EXOC4: variants seen among roughly 807,000 people sequenced by gnomAD.
The protein encoded by EXOC4 is SEC8-like 1.
EXOC4 carries 71 observed loss-of-function variants against 107.2 expected under a neutral mutation model. The ratio of observed to expected loss-of-function variants is 0.66; its 90% CI spans 0.55 to 0.81. The LOEUF (loss-of-function observed/expected upper bound fraction) is 0.81, where lower values mean the gene tolerates loss of function less well. EXOC4 is among the 30% of genes least tolerant of loss of function. The pLI, the probability that EXOC4 is intolerant of heterozygous loss-of-function variation, is 0.00. For synonymous variants in EXOC4, 456 were observed against 441.2 expected (o/e 1.03, Z -0.42); for missense variants, 1,108 against 1,189.6 (o/e 0.93, Z 1.01).
intron 10 of EXOC4, among the ~76,000 whole-genome samples, chr7:133,760,889 A>G (rs1035688855): frequency 2.0e-5 from 3 of 152,190 alleles, no homozygotes; most frequent in African/African-American, 7.2e-5. Flanking sequence ...ATTTGATACA[A>G]CAACATTCTA....
At chr7:133,471,539 A>C (rs1464107168) in intron 7 of EXOC4, among the ~76,000 whole-genome samples, 1 of 152,250 alleles carries the variant, frequency 6.6e-6, no homozygotes, top group African/African-American at 2.4e-5. Flanking sequence ...GAAGCAAACA[A>C]ACACAAATTG....
chr7:133,492,733 C>G (rs1291097863), intron 9 of EXOC4, among the ~76,000 whole-genome samples: 1 of 151,782 alleles, frequency 6.6e-6, no homozygotes, highest in East Asian at 1.9e-4. Context: ...AATTTTTATT[C>G]CTTGATGTAC....
At chr7:133,345,175 A>G (rs560739821) in intron 5 of EXOC4, among the ~76,000 whole-genome samples, 1 of 152,282 alleles carries the variant, frequency 6.6e-6, no homozygotes, top group Non-Finnish European at 1.5e-5. Flanking sequence ...ATTTTGTCAC[A>G]TTATCTCATT....
chr7:134,087,618 C>T, the EXOC4 span, among the ~76,000 whole-genome samples: 1 of 152,110 alleles, frequency 6.6e-6, no homozygotes, highest in African/African-American at 2.4e-5. Flanking sequence ...AATATGTGCC[C>T]AGAATATTGA....
chr7:134,060,239 C>A (rs990687345), intron 17 of EXOC4, among the ~76,000 whole-genome samples: 1 of 152,212 alleles, frequency 6.6e-6, no homozygotes, highest in Non-Finnish European at 1.5e-5. Flanking sequence ...CAAAAAGGCA[C>A]ACAGCAAAGG....
At chr7:133,533,131 A>G (rs1422517737) in intron 9 of EXOC4, among the ~76,000 whole-genome samples, 2 of 152,096 alleles carry the variant, frequency 1.3e-5, no homozygotes, top group African/African-American at 4.8e-5. Flanking sequence ...AATGCTTCTA[A>G]AATGTGTCTG....
chr7:134,057,064 C>T (rs552039025), intron 17 of EXOC4, among the ~76,000 whole-genome samples: 3 of 152,250 alleles, frequency 2.0e-5, no homozygotes, highest in Non-Finnish European at 2.9e-5. Context: ...ACTGCTGAGG[C>T]GTGATGGTTA....
intron 17 of EXOC4, chr7:134,010,159 T>A (rs549302230): frequency 2.6e-5 from 4 of 152,212 alleles, no homozygotes; most frequent in Admixed American, 6.5e-5. Context: ...TTACTAAGAC[T>A]AAGCTCCAAG....
At chr7:133,558,574 A>G (rs530035066) in intron 9 of EXOC4, among the ~76,000 whole-genome samples, 1 of 152,254 alleles carries the variant, frequency 6.6e-6, no homozygotes, top group South Asian at 2.1e-4. Flanking sequence ...TAGAGCGATA[A>G]TTTTGGAAAT....
At chr7:134,025,225 C>CATTA (rs1321928986) in intron 17 of EXOC4, among the ~76,000 whole-genome samples, 1 of 152,146 alleles carries the variant, frequency 6.6e-6, no homozygotes, top group East Asian at 1.9e-4. Flanking sequence ...TGGAGTCTTA[C>CATTA]ATTATTATTA....
At chr7:133,356,169 G>A (rs562824474) in intron 5 of EXOC4, among the ~76,000 whole-genome samples, 161 bp from the exon 6 acceptor site, 4 of 152,150 alleles carry the variant, frequency 2.6e-5, no homozygotes, top group South Asian at 2.1e-4. Context: ...ATGTTATTTT[G>A]TGACTTTTGG....
chr7:133,844,486 T>A (rs1798085580), intron 11 of EXOC4, among the ~76,000 whole-genome samples: 1 of 145,824 alleles, frequency 6.9e-6, no homozygotes, highest in South Asian at 2.2e-4. Flanking sequence ...GCTTCCCAGG[T>A]TCAAGGGATT....
chr7:133,311,706 ATAAAC>A (rs1246663801), intron 4 of EXOC4, among the ~76,000 whole-genome samples: 1 of 152,220 alleles, frequency 6.6e-6, no homozygotes. Flanking sequence ...GAGTCAAAGG[ATAAAC>A]TATACTCTGA....
intron 14 of EXOC4, among the ~76,000 whole-genome samples, chr7:133,968,394 G>A (rs1320957457): frequency 6.6e-6 from 1 of 152,106 alleles, no homozygotes; most frequent in African/African-American, 2.4e-5. Context: ...GATGCTAGCT[G>A]GTTATTTTGC....
At chr7:133,638,299 G>A (rs1284515913) in intron 10 of EXOC4, among the ~76,000 whole-genome samples, 1 of 152,132 alleles carries the variant, frequency 6.6e-6, no homozygotes, top group African/African-American at 2.4e-5. Context: ...TTAACCAGAA[G>A]TTGAAGTTAT....
chr7:133,966,238 G>T (rs1801062856), intron 14 of EXOC4, among the ~76,000 whole-genome samples: 1 of 152,168 alleles, frequency 6.6e-6, no homozygotes, highest in African/African-American at 2.4e-5. Context: ...TGAGATGATG[G>T]GGTTTTCTAA....
chr7:133,855,121 A>ATAAATATGTATATAAATATG (rs1798339695), intron 11 of EXOC4, among the ~76,000 whole-genome samples: 1 of 89,742 alleles, frequency 1.1e-5, no homozygotes, highest in African/African-American at 6.0e-5. Flanking sequence ...ATAAATATAT[A>ATAAATATGTATATAAATATG]TATATAAATA....
At chr7:133,949,639 C>A (rs185128588) in intron 14 of EXOC4, among the ~76,000 whole-genome samples, 3 of 152,288 alleles carry the variant, frequency 2.0e-5, no homozygotes, top group Admixed American at 2.0e-4. Flanking sequence ...GATAAAAATT[C>A]AATAACCTTT....
At chr7:133,665,670 A>T (rs1329110536) in intron 10 of EXOC4, among the ~76,000 whole-genome samples, 1 of 152,164 alleles carries the variant, frequency 6.6e-6, no homozygotes, top group African/African-American at 2.4e-5. Context: ...ATTATTTGAC[A>T]ACACATTTCC....
Sources: gnomAD v4.1 joint callset for allele counts (sites outside exome capture counted in the v4.1 genomes callset) on GRCh38, gnomAD v4.1.1 for gene constraint, MANE v1.5 for transcripts, NCBI Gene and HGNC (gene_info 2026-07-23, HGNC 2026-07-21) for gene names.